Variants in NSD1 observed in about 807,000 individuals in gnomAD.
The protein encoded by NSD1 is histone-lysine N-methyltransferase, H3 lysine-36 specific.
In NSD1, 26 loss-of-function variants were observed where a neutral mutation model predicts 242.7. The observed-to-expected ratio is 0.11, with a 90% CI of 0.08 to 0.15. The LOEUF (loss-of-function observed/expected upper bound fraction) is 0.15. NSD1 is among the 10% of genes least tolerant of loss of function. The pLI is 1.00. For missense variants in NSD1, 2,495 were observed against 3,272.8 expected, an observed-to-expected ratio of 0.76 and a Z score of 5.80; for synonymous variants, 1,106 against 1,178.1, an observed-to-expected ratio of 0.94 and a Z score of 1.25.
At chr5:177,150,376 C>T (rs932226850) in intron 2 of NSD1, among the ~76,000 whole-genome samples, 6 of 152,114 alleles carry the variant, frequency 3.9e-5, no homozygotes, top group African/African-American at 7.2e-5. Flanking sequence ...GGGAATCCAC[C>T]GCCTTGGCCT....
At chr5:177,192,418 T>A (rs1761767819) in intron 3 of NSD1, among the ~76,000 whole-genome samples, 1 of 151,734 alleles carries the variant, frequency 6.6e-6, no homozygotes, top group Admixed American at 6.6e-5. Context: ...TTATTTGAGA[T>A]GGAGTTTTGC....
chr5:177,174,413 A>G (rs545873822), intron 2 of NSD1, among the ~76,000 whole-genome samples: 2 of 151,586 alleles, frequency 1.3e-5, no homozygotes, highest in African/African-American at 4.8e-5. Flanking sequence ...GGGCTTCGCC[A>G]TGTTGGCCAG....
At chr5:177,136,859 T>A in intron 2 of NSD1, 1 of 675,692 alleles carries the variant, frequency 1.5e-6, no homozygotes, top group Non-Finnish European at 2.7e-6. Flanking sequence ...GTTTTATATT[T>A]ATTTATTGTT....
At chr5:177,274,807 C>T (rs1758232785) in intron 17 of NSD1, among the ~76,000 whole-genome samples, 1 of 152,026 alleles carries the variant, frequency 6.6e-6, no homozygotes, top group Non-Finnish European at 1.5e-5. Flanking sequence ...AATCTTGGCT[C>T]ACTGCAACAT....
At chr5:177,201,366 C>CA (rs1451675073) in intron 3 of NSD1, among the ~76,000 whole-genome samples, 1 of 151,912 alleles carries the variant, frequency 6.6e-6, no homozygotes, top group Non-Finnish European at 1.5e-5. Flanking sequence ...AGCTAAAAGT[C>CA]AAAGCTGTAA....
chr5:177,210,611 C>T lies in NSD1; in HGVS notation c.2212C>T (p.Leu738Phe). 1 of 1,614,168 alleles carries T rather than the reference C, an allele frequency of 6.2e-7. No individual in the cohort carries two copies. Among genetic ancestry groups the T allele is most frequent in the Non-Finnish European group, 8.5e-7 (1 of 1,180,024 alleles). The change falls in exon 5 of 23, where the codon CTT becomes TTT. Residue 738 changes from leucine to phenylalanine, a missense_variant. By Grantham distance (22) the Leu-to-Phe change is conservative. Transcript: ENST00000439151. ...VNLSDLKAST[L>F]VHKPQSDFTN... ...TCTCTCTGATCTGAAGGCATCTACT[C>T]TTGTTCACAAACCCCAGTCAGATTT...
At chr5:177,291,393 G>A (rs1477947775) in intron 21 of NSD1, among the ~76,000 whole-genome samples, 3 of 152,202 alleles carry the variant, frequency 2.0e-5, no homozygotes, top group East Asian at 1.9e-4. Flanking sequence ...GGTGGCTCAC[G>A]CCTGTAATCC....
chr5:177,190,488 CTG>C lies in NSD1; in HGVS notation c.928-1392_928-1391del, dbSNP rs941983514. 9.9e-5 allele frequency among the ~76,000 whole-genome samples: 15 copies of C among 151,548 alleles called. No homozygotes were observed. In the East Asian group the frequency reaches 2.1e-3, roughly 22 times the overall value. On this transcript the variant is annotated intron_variant, in intron 2 of 22. Coordinates refer to ENST00000439151, the MANE Select transcript of NSD1 (RefSeq NM_022455.5). ...TCTTTTTAGCAGAGACAGGGTTTCG[CTG>C]TGTTGGCCAGGCTGATCTCAAACTC...
chr5:177,155,501 T>C (rs1758053828), intron 2 of NSD1, among the ~76,000 whole-genome samples: 1 of 147,226 alleles, frequency 6.8e-6, no homozygotes, highest in Admixed American at 6.8e-5. Flanking sequence ...TGACCTCAGG[T>C]GATCTGCCTG....
At chr5:177,133,040 TGTGGTGGTG>T (rs561454196), upstream of NSD1, 17 of 153,436 alleles carry the variant, frequency 1.1e-4, no homozygotes, top group South Asian at 4.1e-4. This position sits in a 1 kb window ranked among gnomAD's most constrained non-coding sequence, Gnocchi z 6.2. Flanking sequence ...CAGCTTGGTC[TGTGGTGGTG>T]GTGGTGGTGG....
chr5:177,230,407 T>C (rs1035317695), intron 5 of NSD1, among the ~76,000 whole-genome samples: 1 of 152,172 alleles, frequency 6.6e-6, no homozygotes, highest in Non-Finnish European at 1.5e-5. Flanking sequence ...TTCCAGTCTT[T>C]TGTGCTATCT....
Position 177,273,802 on chromosome 5 carries a change from G to A in NSD1, c.5622+18G>A. On this transcript the variant is annotated intron_variant, in intron 17 of 22. Transcript: ENST00000439151. The stretch of plus-strand genomic sequence containing the variant: ...ATATAAAGGTGAGGAGAAAATCTTG[G>A]GGGACCTTCTCTAGAAGAGAAATGG... 1 of 1,522,110 alleles carries A rather than the reference G, an allele frequency of 6.6e-7. No individual in the cohort carries two copies. Among genetic ancestry groups the A allele is most frequent in the Non-Finnish European group, 9.1e-7 (1 of 1,096,782 alleles). The allele number at this position is 1,522,110 out of a possible 1,614,324, so 94.3% of individuals were successfully genotyped here. A position where few individuals can be genotyped will look rare whatever the true frequency, so the allele number is the denominator to read the frequency against.
chr5:177,160,426 G>A (rs897867483), intron 2 of NSD1, among the ~76,000 whole-genome samples: 3 of 151,658 alleles, frequency 2.0e-5, no homozygotes, highest in Admixed American at 1.3e-4. Flanking sequence ...TCAGCCTCTT[G>A]AGTAGCTGGG....
At chr5:177,145,054 C>T (rs768331359) in intron 2 of NSD1, among the ~76,000 whole-genome samples, 22 of 146,360 alleles carry the variant, frequency 1.5e-4, no homozygotes, top group African/African-American at 3.5e-4. Context: ...CACTGCACTC[C>T]AGCCTGGGTG....
intron 2 of NSD1, among the ~76,000 whole-genome samples, chr5:177,179,988 C>T (rs1440880300): frequency 2.0e-5 from 3 of 152,070 alleles, no homozygotes; most frequent in African/African-American, 2.4e-5. Context: ...GCAATCTCCA[C>T]CTCCAGGTTT....
At chr5:177,287,543 G>A (rs1293109025) in intron 20 of NSD1, among the ~76,000 whole-genome samples, 1 of 152,226 alleles carries the variant, frequency 6.6e-6, no homozygotes, top group Non-Finnish European at 1.5e-5. Context: ...GGCTGAAGCA[G>A]GAGAATAGCT....
chr5:177,158,261 C>A (rs1363552490), intron 2 of NSD1, among the ~76,000 whole-genome samples: 1 of 93,650 alleles, frequency 1.1e-5, no homozygotes, highest in Non-Finnish European at 1.9e-5. Context: ...TTCTTTCTTT[C>A]TTTCTTTCTT....
intron 5 of NSD1, among the ~76,000 whole-genome samples, chr5:177,214,455 ACT>A (rs1284286506): frequency 6.6e-6 from 1 of 151,946 alleles, no homozygotes; most frequent in Non-Finnish European, 1.5e-5. Context: ...CTTGACTGAG[ACT>A]CTATACCCAT....
chr5:177,234,162 A>G (rs1288586708), intron 5 of NSD1, among the ~76,000 whole-genome samples: 1 of 152,228 alleles, frequency 6.6e-6, no homozygotes, highest in Non-Finnish European at 1.5e-5. Context: ...CAAAAAGTAT[A>G]CCTTCCATTT....
Sources: allele counts gnomAD v4.1 joint callset (sites outside exome capture counted in the v4.1 genomes callset), GRCh38; gene constraint gnomAD v4.1.1; non-coding constraint Gnocchi (gnomAD v3.1); transcripts MANE v1.5; gene names NCBI Gene and HGNC (gene_info 2026-07-23, HGNC 2026-07-21).